Variants in PLEKHA5 observed in about 807,000 individuals in gnomAD.
PLEKHA5 encodes the protein pleckstrin homology domain containing A5.
PLEKHA5 carries 55 observed loss-of-function variants against 181.9 expected under a neutral mutation model. The observed-to-expected ratio is 0.30, with a 90% CI of 0.24 to 0.38. The LOEUF (loss-of-function observed/expected upper bound fraction) is 0.38. PLEKHA5 is among the 10% of genes least tolerant of loss of function. The pLI, the probability that PLEKHA5 is intolerant of heterozygous loss-of-function variation, is 1.00. For synonymous variants in PLEKHA5, 535 were observed against 529.4 expected, an observed-to-expected ratio of 1.01 and a Z score of -0.15; for missense variants, 1,432 against 1,549.5, an observed-to-expected ratio of 0.92 and a Z score of 1.27.
At chr12:19,155,322 G>T (rs924204860) in intron 3 of PLEKHA5, among the ~76,000 whole-genome samples, 1 of 152,164 alleles carries the variant, frequency 6.6e-6, no homozygotes, top group Non-Finnish European at 1.5e-5. Context: ...CCTATTATAT[G>T]CTTCTGAATC....
intron 3 of PLEKHA5, among the ~76,000 whole-genome samples, chr12:19,146,804 T>TG (rs1430244328): frequency 1.3e-5 from 2 of 152,140 alleles, no homozygotes; most frequent in African/African-American, 4.8e-5. Flanking sequence ...CACCAAGAAT[T>TG]GTGGTGAAGT....
At chr12:19,292,390 A>G (rs2078676620) in intron 15 of PLEKHA5, among the ~76,000 whole-genome samples, 1 of 152,160 alleles carries the variant, frequency 6.6e-6, no homozygotes, top group Non-Finnish European at 1.5e-5. Context: ...CCTGGGCTAC[A>G]GCGCAAGACT....
intron 25 of PLEKHA5, 99 bp from the exon 26 acceptor site, chr12:19,353,785 C>T (rs2094746241): frequency 5.6e-6 from 4 of 715,394 alleles, no homozygotes; most frequent in South Asian, 3.4e-5. Flanking sequence ...AATAAATTTG[C>T]TTTCTGATTT....
chr12:19,306,714 G>A, intron 15 of PLEKHA5: 1 of 1,448,250 alleles, frequency 6.9e-7, no homozygotes, highest in Non-Finnish European at 9.7e-7. Flanking sequence ...TCCTAGGCAA[G>A]ATCGACGAAC....
At chr12:19,154,883 A>G (rs368585925) in intron 3 of PLEKHA5, among the ~76,000 whole-genome samples, 2 of 152,218 alleles carry the variant, frequency 1.3e-5, no homozygotes, top group African/African-American at 2.4e-5. Flanking sequence ...GAAGGATTTC[A>G]TATGCCCCAG....
chr12:19,203,716 A>C (rs1592053519), intron 3 of PLEKHA5, among the ~76,000 whole-genome samples: 1 of 152,214 alleles, frequency 6.6e-6, no homozygotes, highest in South Asian at 2.1e-4. Flanking sequence ...ACTCTTGCCT[A>C]GTCTTTCCTA....
At position 19,265,834 on chromosome 12, in the gene PLEKHA5, G is replaced by A. The variant is rs1428990224; in HGVS notation, c.695G>A (p.Arg232His). 8 of 1,584,726 alleles carry A rather than the reference G, an allele frequency of 5.0e-6. No individual in the cohort carries two copies. Among genetic ancestry groups the A allele is most frequent in the South Asian group, 2.2e-5 (2 of 89,094 alleles). Reference sequence around the variant, plus strand: ...CTTACCTCTGAAGATCACATTAATCGCAAATATGCTTTTAAGGTAAGGAAA... The same window carrying A: ...CTTACCTCTGAAGATCACATTAATCACAAATATGCTTTTAAGGTAAGGAAA... ...ALLTSEDHIN[R>H]KYAFKAAHPN... Residue 232 changes from arginine (R) to histidine (H), a missense_variant, in exon 8 of 32, where the codon CGC (arginine) becomes CAC (histidine). Arg to His is a conservative substitution (Grantham distance 29). Coordinates refer to ENST00000429027, the MANE Select transcript of PLEKHA5 (RefSeq NM_001256470.2).
At chr12:19,259,401 T>A (rs1251070297) in intron 6 of PLEKHA5, among the ~76,000 whole-genome samples, 1 of 152,026 alleles carries the variant, frequency 6.6e-6, no homozygotes, top group Non-Finnish European at 1.5e-5. Flanking sequence ...AATATGTGTG[T>A]GACACATATT....
chr12:19,204,038 C>G (rs2054816751), intron 3 of PLEKHA5, among the ~76,000 whole-genome samples: 1 of 151,950 alleles, frequency 6.6e-6, no homozygotes, highest in African/African-American at 2.4e-5. Flanking sequence ...ATAACCTTGT[C>G]CCAGGAAGGG....
chr12:19,281,948 AT>A (rs1208477050), intron 11 of PLEKHA5, among the ~76,000 whole-genome samples: 1 of 151,778 alleles, frequency 6.6e-6, no homozygotes, highest in Non-Finnish European at 1.5e-5. Flanking sequence ...CGCCCGGCTA[AT>A]TTTTTTGTAT....
At chr12:19,300,339 A>G (rs193161916) in intron 15 of PLEKHA5, among the ~76,000 whole-genome samples, 8 of 152,336 alleles carry the variant, frequency 5.3e-5, no homozygotes, top group Non-Finnish European at 1.5e-5. Flanking sequence ...TATGGCTCTA[A>G]CAAGACAGCA....
intron 3 of PLEKHA5, among the ~76,000 whole-genome samples, chr12:19,136,427 T>G (rs1449627944): frequency 6.6e-6 from 1 of 152,190 alleles, no homozygotes; most frequent in Non-Finnish European, 1.5e-5. Context: ...CTTTAAATAT[T>G]CCGTATTCTT....
intron 3 of PLEKHA5, chr12:19,201,931 C>A: frequency 2.9e-6 from 1 of 348,828 alleles, no homozygotes; most frequent in Non-Finnish European, 4.0e-6. Flanking sequence ...GAACTGTACA[C>A]TTAACCATAG....
At chr12:19,183,003 T>G (rs756385486) in intron 3 of PLEKHA5, among the ~76,000 whole-genome samples, 4 of 152,200 alleles carry the variant, frequency 2.6e-5, no homozygotes, top group Non-Finnish European at 1.5e-5. Context: ...TTTTTGAAAG[T>G]TAAATTTCTG....
intron 15 of PLEKHA5, among the ~76,000 whole-genome samples, chr12:19,301,637 A>G (rs77772965): frequency 0.015 from 2,234 of 152,360 alleles, 25 homozygotes; most frequent in Non-Finnish European, 0.024. Context: ...GAAAAGGGGA[A>G]ATATTATAAA....
chr12:19,338,890 A>T (rs1402770768), intron 21 of PLEKHA5, among the ~76,000 whole-genome samples: 1 of 151,920 alleles, frequency 6.6e-6, no homozygotes, highest in African/African-American at 2.4e-5. Flanking sequence ...CTCAAAAAAA[A>T]AAAAAAATAA....
intron 11 of PLEKHA5, among the ~76,000 whole-genome samples, chr12:19,277,662 TGTA>T (rs1055536920): frequency 3.3e-5 from 5 of 152,330 alleles, no homozygotes; most frequent in South Asian, 2.1e-4. Context: ...TAAAAATAGT[TGTA>T]GTGTTTTATA....
chr12:19,368,856 G>T (rs895881856), intron 30 of PLEKHA5, among the ~76,000 whole-genome samples: 1 of 151,950 alleles, frequency 6.6e-6, no homozygotes, highest in African/African-American at 2.4e-5. Flanking sequence ...ATTGTCACTG[G>T]CCAGTTTTGG....
At chr12:19,165,052 C>T (rs2043981012) in intron 3 of PLEKHA5, among the ~76,000 whole-genome samples, 1 of 152,094 alleles carries the variant, frequency 6.6e-6, no homozygotes, top group African/African-American at 2.4e-5. Flanking sequence ...AAAACAGCAA[C>T]AGCAAAAATA....
Sources: gnomAD v4.1 joint callset for allele counts (sites outside exome capture counted in the v4.1 genomes callset) on GRCh38, gnomAD v4.1.1 for gene constraint, MANE v1.5 for transcripts, NCBI Gene and HGNC (gene_info 2026-07-23, HGNC 2026-07-21) for gene names.